The following HIP1 variants were observed in gnomAD, a reference collection of about 807,000 sequenced individuals.
HIP1 encodes huntingtin interacting protein 1.
HIP1 carries 65 observed loss-of-function variants against 147.6 expected under a neutral mutation model. The ratio of observed to expected loss-of-function variants is 0.44; its 90% confidence interval spans 0.36 to 0.54. The LOEUF (loss-of-function observed/expected upper bound fraction) is 0.54. Among genes scored for constraint, HIP1 ranks in the 20% least tolerant of loss-of-function variants. The pLI is 0.00. For missense variants in HIP1, 1,061 were observed against 1,299.6 expected, an observed-to-expected ratio of 0.82 and a Z score of 2.82; for synonymous variants, 479 against 504.0, an observed-to-expected ratio of 0.95 and a Z score of 0.67.
intron 9 of HIP1, 190 bp from the exon 10 acceptor site, chr7:75,563,453 C>G: frequency 1.7e-6 from 1 of 590,310 alleles, no homozygotes; most frequent in South Asian, 2.1e-5. Context: ...CCTCAGTGAC[C>G]TGCTGGTGAG....
intron 1 of HIP1, among the ~76,000 whole-genome samples, chr7:75,677,891 CT>C (rs1554516286): frequency 6.6e-6 from 1 of 152,006 alleles, no homozygotes; most frequent in African/African-American, 2.4e-5. Context: ...GGTTCTATCA[CT>C]TCATTATGGC....
chr7:75,660,558 T>C (rs1799280615), intron 1 of HIP1, among the ~76,000 whole-genome samples: 1 of 151,958 alleles, frequency 6.6e-6, no homozygotes, highest in South Asian at 2.1e-4. Context: ...AAAGGCAGCA[T>C]GATTACTTGA....
chr7:75,560,174 C>A (rs868956629), intron 13 of HIP1, among the ~76,000 whole-genome samples: 4 of 151,994 alleles, frequency 2.6e-5, no homozygotes, highest in Non-Finnish European at 4.4e-5. Flanking sequence ...GGTGAAGTCA[C>A]CTGACCAGCC....
chr7:75,639,980 A>C (rs1275204185), intron 1 of HIP1, among the ~76,000 whole-genome samples: 2 of 152,086 alleles, frequency 1.3e-5, no homozygotes, highest in Admixed American at 1.3e-4. Context: ...GTGGTTCCTA[A>C]ATGATGTCTG....
intron 1 of HIP1, among the ~76,000 whole-genome samples, chr7:75,727,845 C>CA (rs1169732794): frequency 0.027 from 1,778 of 66,790 alleles, 57 homozygotes; most frequent in South Asian, 0.22. Flanking sequence ...GACTCCATCT[C>CA]AAAAAAAAAA....
At chr7:75,596,008 G>A (rs996453725) in intron 2 of HIP1, among the ~76,000 whole-genome samples, 11 of 152,072 alleles carry the variant, frequency 7.2e-5, no homozygotes, top group Admixed American at 3.3e-4. Flanking sequence ...GAGGCCCAGC[G>A]GGAGGACTGC....
chr7:75,572,902 C>T (rs2116887433), intron 8 of HIP1, among the ~76,000 whole-genome samples: 2 of 152,336 alleles, frequency 1.3e-5, no homozygotes, highest in South Asian at 4.1e-4. Flanking sequence ...AGAAGGCTCT[C>T]CCTCCCCTCT....
chr7:75,736,164 T>A (rs1802015223), intron 1 of HIP1, among the ~76,000 whole-genome samples: 1 of 70,190 alleles, frequency 1.4e-5, no homozygotes, highest in Non-Finnish European at 2.4e-5. Context: ...CCAGGTCAAA[T>A]CTGGCCAATC....
intron 1 of HIP1, among the ~76,000 whole-genome samples, chr7:75,698,148 T>C (rs1461650397): frequency 1.3e-5 from 2 of 152,258 alleles, no homozygotes; most frequent in Admixed American, 6.6e-5. Flanking sequence ...AGGTCTATTC[T>C]ATGTAAAGTA....
In HIP1 at chr7:75,545,093, G is replaced by A. The variant is rs1794499465; in HGVS notation, c.2655C>T (p.Val885=). 1 of 1,594,446 alleles carries A rather than the reference G, an allele frequency of 6.3e-7. No homozygotes were observed. The highest frequency in any genetic ancestry group is 8.6e-7 in the Non-Finnish European group (1 of 1,166,766). Residue 885 remains valine, a synonymous_variant, in exon 26 of 31, where the codon GTC becomes GTT. Transcript: ENST00000336926. ...ASKAVGWGAT[V]MVDAADLVVQ... is the part of the protein sequence containing the mutation. ...TGGTACCAATAGATACTTACACCAT[G>A]ACAGTGGCTCCCCAGCCCACAGCCT...
At chr7:75,613,412 C>A (rs976823010) in intron 1 of HIP1, among the ~76,000 whole-genome samples, 1 of 152,088 alleles carries the variant, frequency 6.6e-6, no homozygotes, top group Admixed American at 6.6e-5. Context: ...TTTAATTCTT[C>A]TCTTGATCAA....
chr7:75,565,130 C>T (rs1584804286), intron 9 of HIP1, among the ~76,000 whole-genome samples: 1 of 152,248 alleles, frequency 6.6e-6, no homozygotes, highest in East Asian at 1.9e-4. Flanking sequence ...TAAACGAAAC[C>T]CCCAGGGTCT....
At chr7:75,588,904 C>A (rs191920461) in intron 4 of HIP1, among the ~76,000 whole-genome samples, 45 of 152,170 alleles carry the variant, frequency 3.0e-4, no homozygotes, top group African/African-American at 1.1e-3. Flanking sequence ...GTAATCCTAG[C>A]AATTTGAGAG....
chr7:75,646,750 C>G (rs946935517), intron 1 of HIP1, among the ~76,000 whole-genome samples: 4 of 152,180 alleles, frequency 2.6e-5, no homozygotes, highest in African/African-American at 7.2e-5. Flanking sequence ...ATATGTCTGC[C>G]CCATGGCACT....
chr7:75,580,902 C>T (rs925404249), intron 7 of HIP1, among the ~76,000 whole-genome samples: 10 of 152,034 alleles, frequency 6.6e-5, no homozygotes, highest in African/African-American at 1.9e-4. Flanking sequence ...CCACCATGCC[C>T]GGCTAATTTT....
At chr7:75,595,532 C>T (rs587603849) in intron 2 of HIP1, among the ~76,000 whole-genome samples, 16 of 151,546 alleles carry the variant, frequency 1.1e-4, no homozygotes, top group African/African-American at 3.2e-4. Context: ...TTAGTAGAGA[C>T]GGGGTTTCAC....
intron 2 of HIP1, among the ~76,000 whole-genome samples, chr7:75,596,573 A>G (rs1465866858): frequency 6.6e-6 from 1 of 151,948 alleles, no homozygotes; most frequent in Non-Finnish European, 1.5e-5. Context: ...TTTCAGTAGG[A>G]CGGGGTTTTA....
rs1357517192 is a variant in HIP1 at position 75,669,069 on chromosome 7, C to CA, written c.120+69731dup. Among the ~76,000 whole-genome samples, 47 of 147,212 alleles carry CA rather than the reference C, an allele frequency of 3.2e-4. 1 individual carries two copies. The highest frequency in any genetic ancestry group is 3.0e-3 in the Admixed American group (44 of 14,608). On this transcript the variant is annotated intron_variant, in intron 1 of 30. Transcript: ENST00000336926. ...CTCGTTTCTACTTAAAACAAACAAA[C>CA]AAACAAAAAAAACAGGCCGGGTGTG...
At chr7:75,706,668 C>T (rs1298348117) in intron 1 of HIP1, among the ~76,000 whole-genome samples, 4 of 115,112 alleles carry the variant, frequency 3.5e-5, no homozygotes, top group Non-Finnish European at 3.4e-5. Context: ...TTTTAGGGTA[C>T]ATGTGCACAT....
Sources: gnomAD v4.1 joint callset for allele counts (sites outside exome capture counted in the v4.1 genomes callset) on GRCh38, gnomAD v4.1.1 for gene constraint, MANE v1.5 for transcripts, NCBI Gene and HGNC (gene_info 2026-07-23, HGNC 2026-07-21) for gene names.